The following RARB variants were observed in gnomAD, a reference collection of about 807,000 sequenced individuals.
RARB encodes retinoic acid receptor beta, also known as HBV-activated protein.
In RARB, 17 loss-of-function variants were observed where a neutral mutation model predicts 51.9. That is an observed-to-expected ratio of 0.33 (90% CI 0.22 to 0.49). The LOEUF (loss-of-function observed/expected upper bound fraction) is 0.49, where lower values mean the gene tolerates loss of function less well. Among genes scored for constraint, RARB ranks in the 20% least tolerant of loss-of-function variants. The pLI, the probability that RARB is intolerant of heterozygous loss-of-function variation, is 0.99. For missense variants in RARB, 369 were observed against 550.8 expected (o/e 0.67, Z 3.30); for synonymous variants, 215 against 195.4 (o/e 1.10, Z -0.84).
chr3:25,274,972 GT>G (rs1703346997), intron 5 of RARB, among the ~76,000 whole-genome samples: 1 of 152,164 alleles, frequency 6.6e-6, no homozygotes, highest in South Asian at 2.1e-4. Context: ...GTAATCAACT[GT>G]TTATGCTATG....
chr3:25,539,811 G>A lies in RARB; in HGVS notation c.449-29947G>A, dbSNP rs143366566. 3.0e-3 allele frequency among the ~76,000 whole-genome samples: 457 copies of A among 150,056 alleles called. 1 individual carries two copies. Among genetic ancestry groups the A allele is most frequent in the Non-Finnish European group, 5.3e-3 (355 of 67,346 alleles). On this transcript the variant is annotated intron_variant, in intron 3 of 7. Coordinates refer to ENST00000330688, the MANE Select transcript of RARB (RefSeq NM_000965.5). ...TATTTTGTATCCCCATCACATTGAT[G>A]TCTTATACAATTGACTCTTAAACAA...
intron 1 of RARB, among the ~76,000 whole-genome samples, chr3:25,453,183 A>G (rs1286921145): frequency 3.3e-5 from 5 of 151,528 alleles, no homozygotes; most frequent in African/African-American, 1.2e-4. Context: ...AAAATGATCA[A>G]GGGGTCTTGT....
chr3:24,983,793 G>A (rs190810749), intron 2 of RARB, among the ~76,000 whole-genome samples: 1 of 152,116 alleles, frequency 6.6e-6, no homozygotes, highest in East Asian at 1.9e-4. Context: ...GTGGAAGGGG[G>A]CGATAAGCTT....
chr3:24,853,686 C>A (rs1326041221), intron 1 of RARB, among the ~76,000 whole-genome samples: 2 of 152,218 alleles, frequency 1.3e-5, no homozygotes, highest in African/African-American at 4.8e-5. Flanking sequence ...AGCCATTAAA[C>A]TTCTCATTCA....
chr3:24,870,407 C>A (rs985225323), intron 2 of RARB, among the ~76,000 whole-genome samples: 11 of 152,052 alleles, frequency 7.2e-5, no homozygotes, highest in African/African-American at 2.4e-4. Flanking sequence ...AAACTTATCT[C>A]ACTAATAGTG....
intron 3 of RARB, among the ~76,000 whole-genome samples, chr3:25,558,725 A>G (rs1391672531): frequency 9.9e-5 from 15 of 151,874 alleles, no homozygotes; most frequent in Admixed American, 9.8e-4. Flanking sequence ...CAAATTCATC[A>G]TATTCCTGCC....
chr3:25,070,531 A>AC (rs928487875), intron 3 of RARB, among the ~76,000 whole-genome samples: 9 of 80,046 alleles, frequency 1.1e-4, no homozygotes, highest in African/African-American at 2.8e-4. Context: ...TCAAAATAAG[A>AC]CCCCCCACCC....
chr3:25,235,072 C>A (rs1348108849), intron 5 of RARB, among the ~76,000 whole-genome samples: 1 of 152,168 alleles, frequency 6.6e-6, no homozygotes. Flanking sequence ...TATCAGAGTT[C>A]TTACTGTGCA....
intron 4 of RARB, among the ~76,000 whole-genome samples, chr3:25,160,838 A>G (rs996907139): frequency 6.6e-6 from 1 of 152,084 alleles, no homozygotes; most frequent in Non-Finnish European, 1.5e-5. Context: ...TGGCTTCCCC[A>G]TAGGCCTTGG....
intron 2 of RARB, among the ~76,000 whole-genome samples, chr3:24,874,980 T>C (rs1227704635): frequency 1.3e-5 from 2 of 152,124 alleles, no homozygotes; most frequent in Non-Finnish European, 2.9e-5. Context: ...AATCTAATGC[T>C]TATTAATATC....
intron 3 of RARB, among the ~76,000 whole-genome samples, chr3:25,125,613 A>T (rs575232127): frequency 1.3e-5 from 2 of 152,324 alleles, no homozygotes; most frequent in South Asian, 2.1e-4. Context: ...AAGACATAAT[A>T]AATTGAATAC....
intron 5 of RARB, among the ~76,000 whole-genome samples, chr3:25,271,862 G>C (rs1242283948): frequency 2.6e-5 from 4 of 152,172 alleles, no homozygotes; most frequent in Non-Finnish European, 5.9e-5. Context: ...GGCATGTATA[G>C]AGTAAGTAGG....
At chr3:24,977,681 C>T (rs1179067876) in intron 2 of RARB, among the ~76,000 whole-genome samples, 1 of 152,182 alleles carries the variant, frequency 6.6e-6, no homozygotes, top group Non-Finnish European at 1.5e-5. Context: ...TCTAAATACA[C>T]AATTATGTCA....
intron 3 of RARB, among the ~76,000 whole-genome samples, chr3:25,513,114 C>CAAA (rs1697979766): frequency 1.3e-5 from 1 of 74,488 alleles, no homozygotes. Flanking sequence ...CCTGTCTTTA[C>CAAA]TAAAAAAAAA....
At chr3:25,217,863 C>G (rs1701867638) in intron 5 of RARB, among the ~76,000 whole-genome samples, 1 of 152,238 alleles carries the variant, frequency 6.6e-6, no homozygotes, top group Non-Finnish European at 1.5e-5. Context: ...GCAATGAGTT[C>G]TAGACCTAGC....
chr3:24,870,534 T>A (rs1432364996), intron 2 of RARB, among the ~76,000 whole-genome samples: 1 of 152,150 alleles, frequency 6.6e-6, no homozygotes, highest in Non-Finnish European at 1.5e-5. Context: ...TAAGTCTTGA[T>A]TTCTGGCAGT....
intron 5 of RARB, among the ~76,000 whole-genome samples, chr3:25,256,973 A>G (rs1702881796): frequency 6.6e-6 from 1 of 152,104 alleles, no homozygotes; most frequent in Non-Finnish European, 1.5e-5. Flanking sequence ...GCTTGCCCAA[A>G]ATATCATACG....
rs533339819 is a variant in RARB at position 25,421,184 on chromosome 3, A to G, written c.179-40009A>G. Reference sequence around the variant, plus strand: ...AAATGCTTCAGTGTGGTAGTACTTAACTAGGTATATGCAGCAAATTCTCTT... The same window carrying G: ...AAATGCTTCAGTGTGGTAGTACTTAGCTAGGTATATGCAGCAAATTCTCTT... On this transcript the variant is annotated intron_variant, in intron 5 of 11. Coordinates refer to the RARB transcript ENST00000383772. Among the ~76,000 whole-genome samples, 92 of 151,972 alleles carry G rather than the reference A, an allele frequency of 6.1e-4. 1 individual carries two copies. The highest frequency in any genetic ancestry group is 2.1e-3 in the African/African-American group (87 of 41,442).
chr3:25,176,832 T>C (rs150341417), intron 5 of RARB, among the ~76,000 whole-genome samples: 75 of 152,312 alleles, frequency 4.9e-4, no homozygotes, highest in African/African-American at 1.7e-3. Flanking sequence ...AAGTACAAGA[T>C]GCCATTACTG....
Sources: gnomAD v4.1 joint callset for allele counts (sites outside exome capture counted in the v4.1 genomes callset) on GRCh38, gnomAD v4.1.1 for gene constraint, MANE v1.5 for transcripts, NCBI Gene and HGNC (gene_info 2026-07-23, HGNC 2026-07-21) for gene names.